MME: variants seen among roughly 807,000 people sequenced by gnomAD.
MME encodes the protein membrane metalloendopeptidase.
In MME, 98 loss-of-function variants were observed where a neutral mutation model predicts 113.2. The ratio of observed to expected loss-of-function variants is 0.87; its 90% CI spans 0.74 to 1.02. The LOEUF (loss-of-function observed/expected upper bound fraction) is 1.02. Ranked by LOEUF, MME falls within the 50% of genes least tolerant of loss-of-function variation. The pLI, the probability that MME is intolerant of heterozygous loss-of-function variation, is 0.00. For missense variants in MME, 836 were observed against 896.0 expected, an observed-to-expected ratio of 0.93 and a Z score of 0.86; for synonymous variants, 292 against 300.6, an observed-to-expected ratio of 0.97 and a Z score of 0.30.
At chr3:155,175,520 A>G (rs894787451) in intron 22 of MME, among the ~76,000 whole-genome samples, 1 of 151,892 alleles carries the variant, frequency 6.6e-6, no homozygotes, top group Admixed American at 6.6e-5. Flanking sequence ...TAATATTTAT[A>G]TGTAATCTAT....
chr3:155,105,012 T>A (rs1053455936), intron 3 of MME, among the ~76,000 whole-genome samples: 2 of 152,144 alleles, frequency 1.3e-5, no homozygotes, highest in Non-Finnish European at 2.9e-5. Flanking sequence ...TTTTTATTAT[T>A]ATTATTATTA....
chr3:155,097,061 T>C (rs1200249811), intron 3 of MME, among the ~76,000 whole-genome samples: 1 of 152,026 alleles, frequency 6.6e-6, no homozygotes, highest in Non-Finnish European at 1.5e-5. Flanking sequence ...GCTTGGTAAA[T>C]TGGGTGATAA....
rs200338110 is a variant in MME at position 155,084,305 on chromosome 3, C to G, written c.138C>G (p.Ile46Met). Residue 46 changes from isoleucine (I) to methionine (M), a missense_variant, in exon 2 of 23, where the codon ATC (isoleucine) becomes ATG (methionine). By Grantham distance (10) the Ile-to-Met change is conservative (BLOSUM62 1). Coordinates refer to ENST00000360490, the MANE Select transcript of MME (RefSeq NM_007289.4). ...LLLTIIAVTMIALYATYDDGI... is the reference protein window; with the variant it reads ...LLLTIIAVTMMALYATYDDGI... ...TCACCATCATAGCTGTGACAATGAT[C>G]GCACTCTATGCAACCTACGATGGTG... The G allele has an allele frequency of 6.2e-7, 1 of 1,614,132 alleles. No homozygotes were observed. Among genetic ancestry groups the G allele is most frequent in the African/African-American group, 1.3e-5 (1 of 75,028 alleles).
At chr3:155,170,053 C>T (rs1170076238) in intron 20 of MME, among the ~76,000 whole-genome samples, 1 of 151,958 alleles carries the variant, frequency 6.6e-6, no homozygotes, top group Non-Finnish European at 1.5e-5. Context: ...TGCATTTTAC[C>T]TCTTTTTTTT....
At chr3:155,073,014 G>A (rs1714631079) in intron 1 of MME, among the ~76,000 whole-genome samples, 1 of 152,112 alleles carries the variant, frequency 6.6e-6, no homozygotes, top group Admixed American at 6.5e-5. Context: ...AGAATCATTT[G>A]TATTGTTATG....
chr3:155,109,207 G>A (rs1315233494), intron 3 of MME, among the ~76,000 whole-genome samples: 1 of 75,524 alleles, frequency 1.3e-5, no homozygotes, highest in Non-Finnish European at 3.3e-5. Context: ...GAGAGAGGAG[G>A]CCATGGGGGG....
chr3:155,126,152 A>G (rs1282423306), intron 8 of MME, among the ~76,000 whole-genome samples: 2 of 152,184 alleles, frequency 1.3e-5, no homozygotes, highest in African/African-American at 4.8e-5. Context: ...GTTCAGTACA[A>G]TCTAGTTGCT....
intron 3 of MME, among the ~76,000 whole-genome samples, chr3:155,086,249 G>T (rs116347917): frequency 1.1e-3 from 171 of 152,264 alleles, no homozygotes; most frequent in African/African-American, 3.9e-3. Context: ...TGAATGAATT[G>T]AGAATGATGC....
chr3:155,059,258 CAAAAAA>C (rs11459710), intron 1 of MME, among the ~76,000 whole-genome samples: 2 of 56,084 alleles, frequency 3.6e-5, no homozygotes, highest in South Asian at 7.5e-4. Flanking sequence ...AATTCTGTCT[CAAAAAA>C]AAAAAAAAAA....
intron 22 of MME, among the ~76,000 whole-genome samples, chr3:155,173,913 T>C (rs1712240435): frequency 6.6e-6 from 1 of 152,116 alleles, no homozygotes; most frequent in Non-Finnish European, 1.5e-5. Context: ...TGTACCTCAG[T>C]TTCTTGATAT....
At chr3:155,071,830 C>A (rs185097756) in intron 1 of MME, among the ~76,000 whole-genome samples, 13 of 152,266 alleles carry the variant, frequency 8.5e-5, no homozygotes, top group Non-Finnish European at 1.9e-4. Flanking sequence ...TCTCCAATTG[C>A]CTTAGATCAC....
chr3:155,155,909 G>A (rs1046821965), intron 16 of MME, among the ~76,000 whole-genome samples: 1 of 152,186 alleles, frequency 6.6e-6, no homozygotes, highest in Non-Finnish European at 1.5e-5. Flanking sequence ...TTGCCAAACA[G>A]AACTACACAC....
chr3:155,074,671 A>G (rs931216147), intron 1 of MME, among the ~76,000 whole-genome samples: 7 of 152,072 alleles, frequency 4.6e-5, no homozygotes, highest in African/African-American at 1.2e-4. Flanking sequence ...ACCTCAAGTG[A>G]TCCTCCCGCC....
At chr3:155,125,032 G>A (rs1214593833) in intron 8 of MME, among the ~76,000 whole-genome samples, 1 of 151,600 alleles carries the variant, frequency 6.6e-6, no homozygotes, top group Non-Finnish European at 1.5e-5. Flanking sequence ...CTGCCGCCTT[G>A]CAGTTTGATC....
intron 16 of MME, chr3:155,158,661 T>C (rs942614999): frequency 1.3e-5 from 2 of 152,144 alleles, no homozygotes; most frequent in African/African-American, 4.8e-5. Context: ...CTATTTGTTC[T>C]ACATCGTTTC....
At chr3:155,133,588 CA>C (rs777179643) in intron 8 of MME, among the ~76,000 whole-genome samples, 2 of 149,054 alleles carry the variant, frequency 1.3e-5, no homozygotes, top group African/African-American at 4.9e-5. Context: ...ACCTCATCAA[CA>C]AAAAGCATCC....
At chr3:155,116,590 G>GTATATA (rs10522735) in intron 5 of MME, 31 bp downstream of exon 5, 13,337 of 1,227,000 alleles carry the variant, frequency 0.011, 31 homozygotes, top group South Asian at 0.021. Flanking sequence ...TTCATTAGGA[G>GTATATA]TATATATATA....
intron 22 of MME, among the ~76,000 whole-genome samples, chr3:155,178,434 TC>T (rs1371980382): frequency 6.6e-6 from 1 of 152,110 alleles, no homozygotes; most frequent in Non-Finnish European, 1.5e-5. Flanking sequence ...TTCCAGTTGG[TC>T]CATAATATCA....
At chr3:155,059,361 GATATTT>G (rs976720862) in intron 1 of MME, among the ~76,000 whole-genome samples, 9 of 151,478 alleles carry the variant, frequency 5.9e-5, no homozygotes, top group Admixed American at 5.9e-4. Context: ...CAAAAAAGCT[GATATTT>G]ATAAAGAGCT....
Sources: gnomAD v4.1 joint callset for allele counts (sites outside exome capture counted in the v4.1 genomes callset) on GRCh38, gnomAD v4.1.1 for gene constraint, MANE v1.5 for transcripts, NCBI Gene and HGNC (gene_info 2026-07-23, HGNC 2026-07-21) for gene names.